CEP112: variants seen among roughly 807,000 people sequenced by gnomAD.
CEP112 encodes centrosomal protein 112.
CEP112 carries 127 observed loss-of-function variants against 153.0 expected under a neutral mutation model. The ratio of observed to expected loss-of-function variants is 0.83; its 90% CI spans 0.72 to 0.96. The LOEUF is 0.96. CEP112 is among the 40% of genes least tolerant of loss of function. CEP112 has a pLI of 0.00. For missense variants in CEP112, 1,089 were observed against 1,101.2 expected (o/e 0.99, Z 0.16); for synonymous variants, 358 against 374.4 (o/e 0.96, Z 0.51).
chr17:66,172,739 T>C (rs977348938), intron 4 of CEP112, among the ~76,000 whole-genome samples: 2 of 152,162 alleles, frequency 1.3e-5, no homozygotes, highest in African/African-American at 2.4e-5. Flanking sequence ...ACCTGAATCC[T>C]TGCAAATACT....
At chr17:66,057,247 A>C (rs569182567) in intron 11 of CEP112, among the ~76,000 whole-genome samples, 13 of 152,194 alleles carry the variant, frequency 8.5e-5, no homozygotes, top group Non-Finnish European at 1.8e-4. Flanking sequence ...TAAGGAAGGA[A>C]GAGTGGTAGA....
At chr17:65,796,574 G>A (rs2054923806) in intron 21 of CEP112, among the ~76,000 whole-genome samples, 1 of 152,116 alleles carries the variant, frequency 6.6e-6, no homozygotes, top group Admixed American at 6.5e-5. Flanking sequence ...CCCTTGAGCT[G>A]AGGAATTCAA....
At chr17:66,066,996 G>C in intron 9 of CEP112, 119 bp from the exon 10 acceptor site, 1 of 502,628 alleles carries the variant, frequency 2.0e-6, no homozygotes. Flanking sequence ...TAACAAATAT[G>C]ACTACACTGT....
chr17:65,648,643 C>T (rs114881694), intron 24 of CEP112, among the ~76,000 whole-genome samples: 1,563 of 152,038 alleles, frequency 0.01, 32 homozygotes, highest in African/African-American at 0.036. Flanking sequence ...CCAAAGGGTC[C>T]GTAGAGATAA....
chr17:65,827,149 G>A (rs2056873737), intron 21 of CEP112, among the ~76,000 whole-genome samples: 1 of 152,184 alleles, frequency 6.6e-6, no homozygotes, highest in South Asian at 2.1e-4. Context: ...GGGGCTCTCA[G>A]GTCTTCAGCC....
chr17:65,826,952 G>A (rs2056864746), intron 21 of CEP112, among the ~76,000 whole-genome samples: 1 of 152,144 alleles, frequency 6.6e-6, no homozygotes. Flanking sequence ...CCCTCAATCT[G>A]GGTGGGCACC....
At chr17:65,975,820 A>G (rs1444546831) in intron 17 of CEP112, among the ~76,000 whole-genome samples, 1 of 152,242 alleles carries the variant, frequency 6.6e-6, no homozygotes, top group Non-Finnish European at 1.5e-5. Flanking sequence ...CCTTGAAATG[A>G]CATGGCAAAA....
intron 24 of CEP112, among the ~76,000 whole-genome samples, chr17:65,681,674 A>ATT (rs2047535020): frequency 7.6e-6 from 1 of 131,026 alleles, no homozygotes; most frequent in South Asian, 2.3e-4. Flanking sequence ...TCCTTTTTTT[A>ATT]ATTTTTTTTT....
At chr17:65,883,646 C>T (rs968061877) in intron 20 of CEP112, among the ~76,000 whole-genome samples, 1 of 152,102 alleles carries the variant, frequency 6.6e-6, no homozygotes, top group African/African-American at 2.4e-5. Context: ...GGATTACAGG[C>T]GTGAGCCACC....
intron 4 of CEP112, among the ~76,000 whole-genome samples, chr17:66,156,584 C>T (rs2071450147): frequency 6.6e-6 from 1 of 152,062 alleles, no homozygotes; most frequent in African/African-American, 2.4e-5. Flanking sequence ...ACAAACTCCT[C>T]TGAGCTAAAG....
chr17:65,866,522 G>A (rs2058492008), intron 20 of CEP112, among the ~76,000 whole-genome samples: 1 of 152,198 alleles, frequency 6.6e-6, no homozygotes, highest in Non-Finnish European at 1.5e-5. Flanking sequence ...TGGGAGCTGG[G>A]CTGCTGGTCC....
intron 23 of CEP112, among the ~76,000 whole-genome samples, chr17:65,728,679 A>G (rs573881056): frequency 2.0e-4 from 30 of 152,310 alleles, no homozygotes; most frequent in Admixed American, 1.4e-3. Flanking sequence ...ACTGCACTAT[A>G]GGCAATTATA....
At chr17:66,133,425 C>A (rs2070291716) in intron 4 of CEP112, among the ~76,000 whole-genome samples, 1 of 152,104 alleles carries the variant, frequency 6.6e-6, no homozygotes, top group African/African-American at 2.4e-5. Context: ...AATTTGAAAG[C>A]ATGTCAGAAA....
At chr17:65,790,172 G>C (rs2054511221) in intron 21 of CEP112, among the ~76,000 whole-genome samples, 1 of 152,130 alleles carries the variant, frequency 6.6e-6, no homozygotes, top group African/African-American at 2.4e-5. Context: ...TCTAGACAGG[G>C]GTAGTTCTTG....
chr17:66,171,996 G>A (rs1219467358), intron 4 of CEP112, among the ~76,000 whole-genome samples: 1 of 151,568 alleles, frequency 6.6e-6, no homozygotes, highest in East Asian at 1.9e-4. Flanking sequence ...TTCCCTCAAC[G>A]TTTTCTGAAA....
At chr17:66,026,418 C>T (rs1260712853) in intron 16 of CEP112, among the ~76,000 whole-genome samples, 1 of 152,018 alleles carries the variant, frequency 6.6e-6, no homozygotes, top group Non-Finnish European at 1.5e-5. Flanking sequence ...GGAACAATTG[C>T]TAATCTTTTT....
intron 6 of CEP112, among the ~76,000 whole-genome samples, chr17:66,129,146 A>C (rs537623844): frequency 2.6e-5 from 4 of 152,286 alleles, no homozygotes; most frequent in Admixed American, 2.6e-4. Flanking sequence ...TAAACTTCTC[A>C]ATTTAGCATT....
chr17:65,961,242 AC>A (rs1210242603), intron 18 of CEP112, among the ~76,000 whole-genome samples: 1 of 152,218 alleles, frequency 6.6e-6, no homozygotes, highest in African/African-American at 2.4e-5. Flanking sequence ...TGCCATTACT[AC>A]ATTTATACAG....
intron 20 of CEP112, among the ~76,000 whole-genome samples, chr17:65,898,531 T>C (rs755808815): frequency 1.8e-4 from 28 of 152,310 alleles, no homozygotes; most frequent in Non-Finnish European, 3.8e-4. Flanking sequence ...TGAATCACTA[T>C]GGCAAAATCA....
Sources: gnomAD v4.1 joint callset for allele counts (sites outside exome capture counted in the v4.1 genomes callset) on GRCh38, gnomAD v4.1.1 for gene constraint, MANE v1.5 for transcripts, NCBI Gene and HGNC (gene_info 2026-07-23, HGNC 2026-07-21) for gene names.